The following IRAK4 variants were observed in gnomAD, a reference collection of about 807,000 sequenced individuals.
The protein encoded by IRAK4 is interleukin-1 receptor-associated kinase 4.
In IRAK4, 44 loss-of-function variants were observed where a neutral mutation model predicts 51.8. The ratio of observed to expected loss-of-function variants is 0.85; its 90% CI spans 0.67 to 1.09. IRAK4 has a LOEUF of 1.09. Ranked by LOEUF, IRAK4 falls within the 50% of genes least tolerant of loss-of-function variation. The pLI is 0.00. For synonymous variants in IRAK4, 149 were observed against 174.1 expected (o/e 0.86, Z 1.13); for missense variants, 487 against 538.0 (o/e 0.91, Z 0.94).
In IRAK4 at chr12:43,777,749, G is replaced by T. The variant is rs758539498; in HGVS notation, c.831+5G>T. 8 of 1,600,468 alleles carry T rather than the reference G, an allele frequency of 5.0e-6. No individual in the cohort carries two copies. The highest frequency in any genetic ancestry group is 3.3e-5 in the South Asian group (3 of 90,790). On this transcript the variant is annotated splice_donor_5th_base_variant and intron_variant, in intron 7 of 11. Transcript: ENST00000613694. ...CTAGACAGACTCTCTTGCTTGGTAA[G>T]CTATTTGTTCATCAGATTGTTTGGC...
At chr12:43,762,511 G>A (rs1939670851) in intron 1 of IRAK4, among the ~76,000 whole-genome samples, 1 of 152,118 alleles carries the variant, frequency 6.6e-6, no homozygotes, top group Non-Finnish European at 1.5e-5. Context: ...GAGTCTATAG[G>A]CAACCTAGAT....
chr12:43,768,473 T>G (rs1940406826), intron 2 of IRAK4: 1 of 439,298 alleles, frequency 2.3e-6, no homozygotes, highest in African/African-American at 2.0e-5. Flanking sequence ...GGGCTAATAC[T>G]GTGATCTCTC....
Position 43,771,241 on chromosome 12 carries a change from A to G in IRAK4, c.183A>G (p.Gln61=). Residue 61 remains glutamine, a synonymous_variant, in exon 3 of 12, where the codon CAA becomes CAG. Transcript: ENST00000613694. ...FHIRRFEALL[Q]TGKSPTSELL... is the part of the protein sequence containing the mutation. Reference sequence around the variant, plus strand: ...TAAGGAGATTTGAAGCATTACTTCAAACTGGAAAAAGTCCCACTTCTGAAT... The same window carrying G: ...TAAGGAGATTTGAAGCATTACTTCAGACTGGAAAAAGTCCCACTTCTGAAT... 1.9e-6 allele frequency: 3 copies of G among 1,613,990 alleles called. No individual in the cohort carries two copies. Among genetic ancestry groups the G allele is most frequent in the Non-Finnish European group, 2.5e-6 (3 of 1,179,902 alleles).
Position 43,785,368 on chromosome 12 carries a change from T to G in IRAK4, c.1189-1031T>G, listed in dbSNP as rs930586984. On this transcript the variant is annotated intron_variant, in intron 10 of 11. Coordinates refer to ENST00000613694, the MANE Select transcript of IRAK4 (RefSeq NM_016123.4). ...TATTTTTTCCCCTCCTTTTTTCTCT[T>G]TGATTCAACAACCTTAGTACCCATA... Among the ~76,000 whole-genome samples the G allele has an allele frequency of 1.1e-4, 17 of 151,924 alleles. 1 individual carries two copies. The highest frequency in any genetic ancestry group is 7.9e-4 in the Admixed American group (12 of 15,256).
chr12:43,775,206 CT>C (rs747177916), intron 6 of IRAK4, among the ~76,000 whole-genome samples: 3 of 151,728 alleles, frequency 2.0e-5, no homozygotes, highest in East Asian at 3.8e-4. Flanking sequence ...AAAGATCAAA[CT>C]TTTTTTTTCA....
At chr12:43,778,606 T>C (rs1158724766) in intron 8 of IRAK4, among the ~76,000 whole-genome samples, 2 of 152,160 alleles carry the variant, frequency 1.3e-5, no homozygotes, top group East Asian at 3.8e-4. Flanking sequence ...CACTATTCTT[T>C]TCTGAATCAC....
chr12:43,784,501 T>G (rs1942048382), intron 10 of IRAK4, among the ~76,000 whole-genome samples: 1 of 152,168 alleles, frequency 6.6e-6, no homozygotes, highest in Admixed American at 6.5e-5. Context: ...CAAGTTGGAG[T>G]TCCTATGACC....
chr12:43,776,037 A>T (rs1941238358), intron 6 of IRAK4, among the ~76,000 whole-genome samples: 1 of 151,876 alleles, frequency 6.6e-6, no homozygotes, highest in Non-Finnish European at 1.5e-5. Flanking sequence ...GACCGTCACC[A>T]TGCCCGGCTA....
chr12:43,776,267 C>T (rs573197072), intron 6 of IRAK4, among the ~76,000 whole-genome samples: 1 of 152,120 alleles, frequency 6.6e-6, no homozygotes, highest in Non-Finnish European at 1.5e-5. Flanking sequence ...ATTTTCTCAT[C>T]TATAAAATGG....
At chr12:43,771,447 C>CT (rs1940753808) in intron 3 of IRAK4, 82 bp downstream of exon 3, 2 of 1,422,274 alleles carry the variant, frequency 1.4e-6, no homozygotes, top group Non-Finnish European at 2.0e-6. Context: ...CTTACTCTTC[C>CT]TTTTTTCTCA....
At chr12:43,768,669 T>C (rs1187848517) in intron 2 of IRAK4, 1 of 163,626 alleles carries the variant, frequency 6.1e-6, no homozygotes, top group Non-Finnish European at 1.3e-5. Flanking sequence ...TCTAACACAC[T>C]CTAACAATGT....
At chr12:43,770,237 T>C (rs558743491) in intron 2 of IRAK4, among the ~76,000 whole-genome samples, 1 of 152,332 alleles carries the variant, frequency 6.6e-6, no homozygotes, top group South Asian at 2.1e-4. Flanking sequence ...TTCAATTTAA[T>C]TGAATTACAG....
intron 1 of IRAK4, among the ~76,000 whole-genome samples, chr12:43,761,869 T>C (rs1352509036): frequency 6.6e-6 from 1 of 152,222 alleles, no homozygotes; most frequent in Non-Finnish European, 1.5e-5. Context: ...GTCTGAATTG[T>C]CTTACTTGAA....
intron 6 of IRAK4, among the ~76,000 whole-genome samples, chr12:43,776,699 G>A (rs1256511250): frequency 6.6e-6 from 1 of 152,222 alleles, no homozygotes; most frequent in African/African-American, 2.4e-5. Context: ...ATATCCAGGA[G>A]GGGGCAGAAC....
At position 43,784,280 on chromosome 12, in the gene IRAK4, C is replaced by T. The variant is rs4251532; in HGVS notation, c.1188+556C>T. ...CACAGAAGATTTCTGTGACCAAATGCGACTGGGAAGGGTTTCTCCCCACCA... is the reference window on the plus strand; with the variant it reads ...CACAGAAGATTTCTGTGACCAAATGTGACTGGGAAGGGTTTCTCCCCACCA... On this transcript the variant is annotated intron_variant, in intron 10 of 11. Coordinates refer to ENST00000613694, the MANE Select transcript of IRAK4 (RefSeq NM_016123.4). 0.23 allele frequency among the ~76,000 whole-genome samples: 35,212 copies of T among 152,044 alleles called. 6,512 individuals carry two copies. Among genetic ancestry groups the T allele is most frequent in the African/African-American group, 0.52 (21,402 of 41,426 alleles).
chr12:43,774,892 T>C (rs1226097142), intron 6 of IRAK4, among the ~76,000 whole-genome samples: 1 of 152,236 alleles, frequency 6.6e-6, no homozygotes, highest in Non-Finnish European at 1.5e-5. Context: ...TGCTATGTAC[T>C]TTATGTGCAT....
intron 1 of IRAK4, among the ~76,000 whole-genome samples, chr12:43,762,406 A>T (rs1939660433): frequency 6.6e-6 from 1 of 152,182 alleles, no homozygotes; most frequent in Non-Finnish European, 1.5e-5. Flanking sequence ...AAGACTACTA[A>T]GCAGTTCTAT....
intron 5 of IRAK4, among the ~76,000 whole-genome samples, chr12:43,773,410 T>G (rs762347908): frequency 2.4e-4 from 37 of 152,192 alleles, no homozygotes; most frequent in Non-Finnish European, 4.4e-4. Flanking sequence ...AAACCTTGTT[T>G]GCATTACTTT....
chr12:43,777,744 G>A lies in IRAK4; in HGVS notation c.831G>A (p.Leu277=). The change falls in exon 7 of 12, where the codon TTG becomes TTA. Residue 277 remains leucine (L), a splice_region_variant and synonymous_variant. Coordinates refer to ENST00000613694, the MANE Select transcript of IRAK4 (RefSeq NM_016123.4). ...NGSLLDRLSC[L]DGTPPLSWHM... Reference sequence around the variant, plus strand: ...CATTGCTAGACAGACTCTCTTGCTTGGTAAGCTATTTGTTCATCAGATTGT... The same window carrying A: ...CATTGCTAGACAGACTCTCTTGCTTAGTAAGCTATTTGTTCATCAGATTGT... 1 of 1,604,114 alleles carries A rather than the reference G, an allele frequency of 6.2e-7. No homozygotes were observed. The highest frequency in any genetic ancestry group is 8.5e-7 in the Non-Finnish European group (1 of 1,171,362).
Sources: gnomAD v4.1 joint callset for allele counts (sites outside exome capture counted in the v4.1 genomes callset) on GRCh38, gnomAD v4.1.1 for gene constraint, MANE v1.5 for transcripts, NCBI Gene and HGNC (gene_info 2026-07-23, HGNC 2026-07-21) for gene names.